UBE2D2: variants seen among roughly 807,000 people sequenced by gnomAD.
The protein encoded by UBE2D2 is ubiquitin-conjugating enzyme E2 D2.
In UBE2D2, 2 loss-of-function variants were observed where a neutral mutation model predicts 24.2. The ratio of observed to expected loss-of-function variants is 0.08; its 90% CI spans 0.03 to 0.26. The LOEUF (loss-of-function observed/expected upper bound fraction) is 0.26, where lower values mean the gene tolerates loss of function less well. UBE2D2 is among the 10% of genes least tolerant of loss of function. The pLI is 1.00. For missense variants in UBE2D2, 44 were observed against 177.6 expected (o/e 0.25, Z 4.28); for synonymous variants, 58 against 56.5 (o/e 1.03, Z -0.12).
Position 139,589,919 on chromosome 5 carries a change from G to A in UBE2D2, c.25-10453G>A, listed in dbSNP as rs186477063. ...CCTGCCTCAGCCTCCCGAGTAGCTG[G>A]GACTACAGGTGCCCGCCACCACACC... On this transcript the variant is annotated intron_variant, in intron 1 of 6. Transcript: ENST00000398733. Among the ~76,000 whole-genome samples, 1,179 of 152,058 alleles carry A rather than the reference G, an allele frequency of 7.8e-3. 8 individuals carry two copies. Among genetic ancestry groups the A allele is most frequent in the Middle Eastern group, 0.041 (12 of 294 alleles).
At chr5:139,581,276 A>G (rs752557978) in intron 1 of UBE2D2, among the ~76,000 whole-genome samples, 13 of 152,014 alleles carry the variant, frequency 8.6e-5, no homozygotes, top group African/African-American at 2.7e-4. Flanking sequence ...GTGAAACCCC[A>G]TCTCTACTAA....
chr5:139,527,326 A>G (rs2126623716), intron 1 of UBE2D2, among the ~76,000 whole-genome samples: 1 of 152,324 alleles, frequency 6.6e-6, no homozygotes, highest in South Asian at 2.1e-4. Context: ...CAGCAGCATA[A>G]GCAGCTGGCA....
intron 1 of UBE2D2, among the ~76,000 whole-genome samples, chr5:139,596,186 C>T (rs1753956381): frequency 6.6e-6 from 1 of 151,808 alleles, no homozygotes; most frequent in African/African-American, 2.4e-5. Flanking sequence ...GCCCCTGTGC[C>T]TGGCGTTTCT....
At chr5:139,584,587 C>T (rs541724476) in intron 1 of UBE2D2, among the ~76,000 whole-genome samples, 2 of 140,706 alleles carry the variant, frequency 1.4e-5, no homozygotes, top group African/African-American at 5.6e-5. Flanking sequence ...GTCTGGAGTG[C>T]AGTGGCGCGA....
intron 1 of UBE2D2, among the ~76,000 whole-genome samples, chr5:139,568,636 GACAGAGCGAA>G (rs1561505408): frequency 6.6e-6 from 1 of 151,046 alleles, no homozygotes; most frequent in Non-Finnish European, 1.5e-5. Context: ...TAGCCTGGGC[GACAGAGCGAA>G]ACTCTGTCTA....
chr5:139,569,935 G>A (rs1753315329), intron 1 of UBE2D2, among the ~76,000 whole-genome samples: 1 of 152,094 alleles, frequency 6.6e-6, no homozygotes, highest in Non-Finnish European at 1.5e-5. Flanking sequence ...CCCTTTATAT[G>A]ATTGGCAAGG....
intron 5 of UBE2D2, among the ~76,000 whole-genome samples, chr5:139,615,427 G>A (rs1173376701): frequency 1.3e-5 from 2 of 152,094 alleles, no homozygotes; most frequent in African/African-American, 4.8e-5. Flanking sequence ...AGAGGTTTCA[G>A]TGAGCAGAGA....
At chr5:139,543,238 A>G (rs1752781266) in intron 1 of UBE2D2, among the ~76,000 whole-genome samples, 1 of 152,190 alleles carries the variant, frequency 6.6e-6, no homozygotes, top group South Asian at 2.1e-4. Flanking sequence ...AGAAATTTTC[A>G]TGGGGCTGGG....
At chr5:139,615,234 C>T (rs1754398534) in intron 5 of UBE2D2, among the ~76,000 whole-genome samples, 1 of 152,162 alleles carries the variant, frequency 6.6e-6, no homozygotes, top group African/African-American at 2.4e-5. Flanking sequence ...CCTGTAATCT[C>T]AGCACTTTGG....
At chr5:139,601,186 A>C (rs1183922867) in intron 2 of UBE2D2, among the ~76,000 whole-genome samples, 1 of 152,212 alleles carries the variant, frequency 6.6e-6, no homozygotes, top group African/African-American at 2.4e-5. Context: ...ATTAGATGAT[A>C]ATTTCCTCTT....
chr5:139,597,884 G>A (rs930850060), intron 1 of UBE2D2, among the ~76,000 whole-genome samples: 1 of 152,094 alleles, frequency 6.6e-6, no homozygotes, highest in Non-Finnish European at 1.5e-5. Flanking sequence ...TCAATCCAGA[G>A]CCTTCTTTTT....
intron 1 of UBE2D2, among the ~76,000 whole-genome samples, chr5:139,546,418 C>G (rs1333770705): frequency 6.6e-6 from 1 of 152,180 alleles, no homozygotes; most frequent in Non-Finnish European, 1.5e-5. Flanking sequence ...CTCCTGACCT[C>G]ATGAACCACT....
chr5:139,600,244 C>T (rs766668036), intron 1 of UBE2D2, 128 bp from the exon 2 acceptor site: 2 of 998,528 alleles, frequency 2.0e-6, no homozygotes, highest in South Asian at 2.7e-5. Context: ...TCATCTCTTA[C>T]TCTGAAGGAA....
In UBE2D2 at chr5:139,615,097, C is replaced by G. The variant is rs1754396295; in HGVS notation, c.304+131C>G. Reference sequence around the variant, plus strand: ...CAATTCTTCTTAATCTGAAATGGACCTTGAGAACTGAAAACGAGTTGGATT... The same window carrying G: ...CAATTCTTCTTAATCTGAAATGGACGTTGAGAACTGAAAACGAGTTGGATT... On this transcript the variant is annotated intron_variant, in intron 5 of 6. Transcript: ENST00000398733. 1.6e-5 allele frequency: 15 copies of G among 928,160 alleles called. No homozygotes were observed. The East Asian group carries it at 4.0e-4, about 25-fold the overall frequency. The allele number at this position is 928,160 out of a possible 1,614,324, so 57.5% of individuals were successfully genotyped here. A position where few individuals can be genotyped will look rare whatever the true frequency, so the allele number is the denominator to read the frequency against.
At chr5:139,566,326 A>G (rs1753216412) in intron 1 of UBE2D2, among the ~76,000 whole-genome samples, 1 of 151,742 alleles carries the variant, frequency 6.6e-6, no homozygotes, top group South Asian at 2.1e-4. Context: ...GCCTATGGCT[A>G]GCTTCTTTTA....
intron 1 of UBE2D2, among the ~76,000 whole-genome samples, chr5:139,576,296 T>G (rs1363403871): frequency 1.3e-5 from 2 of 152,168 alleles, no homozygotes; most frequent in Non-Finnish European, 2.9e-5. Flanking sequence ...CTGGATGTTC[T>G]AGGGGAGAAT....
At position 139,564,967 on chromosome 5, in the gene UBE2D2, A is replaced by T. The variant is rs375954953; in HGVS notation, c.24+3152A>T. On this transcript the variant is annotated intron_variant, in intron 1 of 6. Transcript: ENST00000398733. ...ACCACAATTTTAAGTTGAATAGCTG[A>T]CTTCCTAGGCATGGATAAGATCAGT... 2.0e-4 allele frequency among the ~76,000 whole-genome samples: 30 copies of T among 152,286 alleles called. No homozygotes were observed. In the Middle Eastern group the frequency reaches 0.01, roughly 52 times the overall value.
chr5:139,581,075 G>A (rs1302740223), intron 1 of UBE2D2, among the ~76,000 whole-genome samples: 1 of 152,182 alleles, frequency 6.6e-6, no homozygotes, highest in Non-Finnish European at 1.5e-5. Context: ...GAAGGTGGAT[G>A]TGGGGGAGGA....
At chr5:139,597,620 A>G (rs996449825) in intron 1 of UBE2D2, among the ~76,000 whole-genome samples, 4 of 152,242 alleles carry the variant, frequency 2.6e-5, no homozygotes, top group African/African-American at 4.8e-5. Context: ...CTTAATGAAC[A>G]TGGCAGGACT....
Sources: allele counts gnomAD v4.1 joint callset (sites outside exome capture counted in the v4.1 genomes callset), GRCh38; gene constraint gnomAD v4.1.1; transcripts MANE v1.5; gene names NCBI Gene and HGNC (gene_info 2026-07-23, HGNC 2026-07-21).